KIAA1549L: variants seen among roughly 807,000 people sequenced by gnomAD.
The protein encoded by KIAA1549L is KIAA1549 like, also known as UPF0606 protein KIAA1549L.
A neutral mutation model predicts 160.7 loss-of-function variants in KIAA1549L; 88 were observed. That is an observed-to-expected ratio of 0.55 (90% CI 0.46 to 0.65). The LOEUF (loss-of-function observed/expected upper bound fraction) is 0.65. KIAA1549L is among the 30% of genes least tolerant of loss of function. KIAA1549L has a pLI of 0.00. For missense variants in KIAA1549L, 2,258 were observed against 2,437.5 expected, an observed-to-expected ratio of 0.93 and a Z score of 1.55; for synonymous variants, 950 against 976.7, an observed-to-expected ratio of 0.97 and a Z score of 0.51.
chr11:33,387,704 A>G lies in KIAA1549L; in HGVS notation c.238+10815A>G, dbSNP rs141250949. Among the ~76,000 whole-genome samples the G allele has an allele frequency of 3.2e-3, 492 of 152,330 alleles. 1 individual carries two copies. The highest frequency in any genetic ancestry group is 6.8e-3 in the Middle Eastern group (2 of 294). On this transcript the variant is annotated intron_variant, in intron 1 of 20. Coordinates refer to ENST00000658780, the MANE Select transcript of KIAA1549L (RefSeq NM_012194.3). ...GAAAATTGCATTGGTTGCATTCAGG[A>G]GACTGAGGTCACCCCTGGCTGTTAC...
intron 1 of KIAA1549L, among the ~76,000 whole-genome samples, chr11:33,480,240 ACT>A (rs1328341218): frequency 6.7e-6 from 1 of 149,440 alleles, no homozygotes; most frequent in Non-Finnish European, 1.5e-5. Context: ...TTTTCCTCCA[ACT>A]CTCTCAGCCC....
intron 9 of KIAA1549L, among the ~76,000 whole-genome samples, chr11:33,572,872 C>G (rs1855312354): frequency 6.6e-6 from 1 of 152,204 alleles, no homozygotes; most frequent in Admixed American, 6.5e-5. Flanking sequence ...AGGAAACTGC[C>G]AGACCTTTCT....
chr11:33,601,477 A>G (rs931411537), intron 13 of KIAA1549L, among the ~76,000 whole-genome samples: 6 of 152,254 alleles, frequency 3.9e-5, no homozygotes, highest in Admixed American at 6.5e-5. Context: ...AAAGGAAGGA[A>G]GGAAGAAAAT....
At chr11:33,552,262 G>A (rs779564007) in intron 6 of KIAA1549L, 21 bp downstream of exon 6, 2 of 1,589,650 alleles carry the variant, frequency 1.3e-6, no homozygotes, top group African/African-American at 2.7e-5. Flanking sequence ...AGGTGCTTCA[G>A]GCTGTGTAGT....
intron 1 of KIAA1549L, among the ~76,000 whole-genome samples, chr11:33,415,109 A>G (rs893780182): frequency 2.0e-5 from 3 of 151,888 alleles, no homozygotes; most frequent in African/African-American, 7.3e-5. Flanking sequence ...GAAATACTAG[A>G]TAAGCCAAGT....
chr11:33,387,616 T>C (rs1029259997), intron 1 of KIAA1549L, among the ~76,000 whole-genome samples: 4 of 152,154 alleles, frequency 2.6e-5, no homozygotes, highest in Non-Finnish European at 4.4e-5. Context: ...CATTTTCTCA[T>C]TCTGAAAGCT....
At chr11:33,619,339 T>C (rs60857098) in intron 16 of KIAA1549L, among the ~76,000 whole-genome samples, 3,192 of 151,070 alleles carry the variant, frequency 0.021, 129 homozygotes, top group African/African-American at 0.073. Flanking sequence ...TTTCACATGA[T>C]CTTGAATCTA....
rs1850342317 is a variant in KIAA1549L, at chr11:33,394,854, G to C, written c.238+17965G>C. 1.3e-5 allele frequency among the ~76,000 whole-genome samples: 2 copies of C among 152,244 alleles called. 1 individual carries two copies. The highest frequency in any genetic ancestry group is 1.3e-4 in the Admixed American group (2 of 15,288). On this transcript the variant is annotated intron_variant, in intron 1 of 20. Transcript: ENST00000658780. ...TATTCAGTCTGTGGCTCCCAAGGCT[G>C]CCCTGCTTGTCTGCGTGCAGCAGAT...
At chr11:33,390,636 C>G (rs1850255764) in intron 1 of KIAA1549L, among the ~76,000 whole-genome samples, 1 of 152,174 alleles carries the variant, frequency 6.6e-6, no homozygotes, top group African/African-American at 2.4e-5. Context: ...TAGCCTGATC[C>G]CCCTTTCACC....
chr11:33,489,787 T>G (rs1248205677), intron 1 of KIAA1549L, among the ~76,000 whole-genome samples: 1 of 152,102 alleles, frequency 6.6e-6, no homozygotes, highest in Admixed American at 6.5e-5. Flanking sequence ...CGTTGGAAAA[T>G]GTAGTCTAGC....
chr11:33,432,891 C>G (rs1048145616), intron 1 of KIAA1549L, among the ~76,000 whole-genome samples: 7 of 152,188 alleles, frequency 4.6e-5, no homozygotes, highest in African/African-American at 1.7e-4. Context: ...ATGCAGAAAA[C>G]TGAAACTGGA....
chr11:33,441,243 C>T (rs1166059798), intron 1 of KIAA1549L, among the ~76,000 whole-genome samples: 7 of 152,062 alleles, frequency 4.6e-5, no homozygotes, highest in African/African-American at 1.7e-4. Flanking sequence ...CTACAAAGGA[C>T]ATGAACTCAT....
chr11:33,395,307 A>C (rs151190756), intron 1 of KIAA1549L, among the ~76,000 whole-genome samples: 1 of 152,314 alleles, frequency 6.6e-6, no homozygotes, highest in Non-Finnish European at 1.5e-5. Context: ...AATAGCTAAC[A>C]CTTAATGTTC....
chr11:33,486,786 C>T (rs955044716), intron 1 of KIAA1549L, among the ~76,000 whole-genome samples: 1 of 152,118 alleles, frequency 6.6e-6, no homozygotes, highest in Non-Finnish European at 1.5e-5. Flanking sequence ...CAAGGAGCTA[C>T]CTGCAAAATT....
At chr11:33,567,087 C>T (rs1855073253) in intron 8 of KIAA1549L, among the ~76,000 whole-genome samples, 1 of 152,122 alleles carries the variant, frequency 6.6e-6, no homozygotes, top group Admixed American at 6.5e-5. Flanking sequence ...AGTCCTAGAA[C>T]AGCCCTGGTG....
At chr11:33,581,149 C>T (rs1021423473) in intron 10 of KIAA1549L, among the ~76,000 whole-genome samples, 26 of 152,122 alleles carry the variant, frequency 1.7e-4, no homozygotes, top group Non-Finnish European at 1.0e-4. Context: ...GAAGAGAAGC[C>T]ACAGGAGGGT....
At chr11:33,460,913 G>T (rs1851928603) in intron 1 of KIAA1549L, among the ~76,000 whole-genome samples, 1 of 152,134 alleles carries the variant, frequency 6.6e-6, no homozygotes, top group Non-Finnish European at 1.5e-5. Flanking sequence ...CGTTCTGGGA[G>T]GCAGACACCA....
At chr11:33,429,423 A>G (rs1450712518) in intron 1 of KIAA1549L, among the ~76,000 whole-genome samples, 2 of 152,088 alleles carry the variant, frequency 1.3e-5, no homozygotes, top group African/African-American at 4.8e-5. Flanking sequence ...ACCCACTCCA[A>G]TCAGTCTTTC....
intron 1 of KIAA1549L, among the ~76,000 whole-genome samples, chr11:33,497,665 CGAAA>C (rs1852851552): frequency 1.3e-5 from 2 of 151,932 alleles, no homozygotes; most frequent in Non-Finnish European, 2.9e-5. Flanking sequence ...ATTTACATTA[CGAAA>C]ACATCTTGAA....
Sources: allele counts gnomAD v4.1 joint callset (sites outside exome capture counted in the v4.1 genomes callset), GRCh38; gene constraint gnomAD v4.1.1; transcripts MANE v1.5; gene names NCBI Gene and HGNC (gene_info 2026-07-23, HGNC 2026-07-21).